Variants in PAM observed in about 807,000 individuals in gnomAD.
PAM encodes peptidylglycine alpha-amidating monooxygenase, also known as peptidyl-glycine alpha-amidating monooxygenase.
PAM carries 72 observed loss-of-function variants against 122.1 expected under a neutral mutation model. That is an observed-to-expected ratio of 0.59 (90% CI 0.49 to 0.72). PAM has a LOEUF of 0.72. Among genes scored for constraint, PAM ranks in the 30% least tolerant of loss-of-function variants. The pLI is 0.00. For synonymous variants in PAM, 389 were observed against 404.4 expected (o/e 0.96, Z 0.46); for missense variants, 1,106 against 1,183.7 (o/e 0.93, Z 0.96).
At chr5:102,809,007 A>G (rs1199979715) in intron 1 of PAM, among the ~76,000 whole-genome samples, 1 of 152,220 alleles carries the variant, frequency 6.6e-6, no homozygotes, top group Non-Finnish European at 1.5e-5. Context: ...GAACAGTGAT[A>G]CGTGAATATT....
At chr5:102,836,221 T>A (rs2150505335) in intron 1 of PAM, among the ~76,000 whole-genome samples, 1 of 152,304 alleles carries the variant, frequency 6.6e-6, no homozygotes, top group Admixed American at 6.5e-5. Context: ...TTGAAAAATC[T>A]ACTTATTTGA....
At chr5:102,986,640 A>G (rs1172312341) in intron 15 of PAM, among the ~76,000 whole-genome samples, 1 of 152,160 alleles carries the variant, frequency 6.6e-6, no homozygotes, top group African/African-American at 2.4e-5. Context: ...TATTGTTAAA[A>G]TGACAATACT....
intron 14 of PAM, among the ~76,000 whole-genome samples, chr5:102,973,122 A>G (rs1026430785): frequency 6.6e-6 from 1 of 152,224 alleles, no homozygotes; most frequent in East Asian, 1.9e-4. Flanking sequence ...ACAGGACTCC[A>G]TAGTCGTAAG....
intron 1 of PAM, among the ~76,000 whole-genome samples, chr5:102,801,185 A>G (rs1356507950): frequency 6.6e-6 from 1 of 152,158 alleles, no homozygotes; most frequent in East Asian, 1.9e-4. Context: ...ACCATGTGAT[A>G]CTGAAGCTGA....
rs748953962 is a variant in PAM at position 103,006,986 on chromosome 5, A to C, written c.1989A>C (p.Gly663=). 13 of 1,613,532 alleles carry C rather than the reference A, an allele frequency of 8.1e-6. No homozygotes were observed. Among genetic ancestry groups the C allele is most frequent in the Non-Finnish European group, 1.1e-5 (13 of 1,179,618 alleles). The change falls in exon 19 of 26, where the codon GGA becomes GGC. Residue 663 remains glycine, a synonymous_variant. Coordinates refer to ENST00000438793, the MANE Select transcript of PAM (RefSeq NM_001177306.2). Reference sequence around the variant, plus strand: ...GGATTGTGCAGTTTTCACCAAGTGGAAAGTTCATCACACAGTGGGGAGAAG... The same window carrying C: ...GGATTGTGCAGTTTTCACCAAGTGGCAAGTTCATCACACAGTGGGGAGAAG... ...NSRIVQFSPS[G]KFITQWGEES...
At chr5:103,003,413 T>C (rs1042456697) in intron 17 of PAM, among the ~76,000 whole-genome samples, 8 of 152,192 alleles carry the variant, frequency 5.3e-5, no homozygotes, top group African/African-American at 1.9e-4. Flanking sequence ...TCTGTTCAGG[T>C]CCTTGCCTAT....
chr5:102,902,157 G>T (rs1323328976), intron 4 of PAM, among the ~76,000 whole-genome samples: 2 of 151,600 alleles, frequency 1.3e-5, no homozygotes, highest in African/African-American at 2.4e-5. Context: ...GTTGATTTTG[G>T]AGAGAAAGTG....
intron 23 of PAM, 58 bp downstream of exon 23, chr5:103,019,901 T>C (rs1783073695): frequency 2.0e-6 from 2 of 1,009,208 alleles, no homozygotes; most frequent in South Asian, 1.3e-5. Flanking sequence ...TGAATTCTTT[T>C]ATGGCCCTTG....
intron 1 of PAM, among the ~76,000 whole-genome samples, chr5:102,793,490 A>G (rs1762579225): frequency 6.6e-6 from 1 of 152,192 alleles, no homozygotes; most frequent in Non-Finnish European, 1.5e-5. Context: ...TGATCGCACC[A>G]CTGCTCTCCA....
chr5:102,933,009 G>A (rs761805200), intron 7 of PAM, among the ~76,000 whole-genome samples: 1 of 152,164 alleles, frequency 6.6e-6, no homozygotes, highest in Non-Finnish European at 1.5e-5. Context: ...GAAAAGATGA[G>A]TAAGAACAAA....
chr5:102,772,226 T>A (rs1755990669), intron 1 of PAM, among the ~76,000 whole-genome samples: 1 of 152,172 alleles, frequency 6.6e-6, no homozygotes, highest in African/African-American at 2.4e-5. Context: ...TTAATAAATG[T>A]TGGATATCAT....
intron 1 of PAM, chr5:102,808,185 C>A (rs1033450626): frequency 7.9e-5 from 12 of 152,210 alleles, no homozygotes; most frequent in Admixed American, 7.2e-4. Context: ...CCCTCTCTCT[C>A]GTTGCTCGCT....
At chr5:102,878,309 C>T (rs1434995305) in intron 3 of PAM, among the ~76,000 whole-genome samples, 1 of 152,116 alleles carries the variant, frequency 6.6e-6, no homozygotes, top group Non-Finnish European at 1.5e-5. Flanking sequence ...GCTTTCATAA[C>T]TTCATCAGGA....
intron 1 of PAM, among the ~76,000 whole-genome samples, chr5:102,851,666 C>T (rs1247338082): frequency 6.6e-6 from 1 of 152,076 alleles, no homozygotes; most frequent in East Asian, 1.9e-4. Flanking sequence ...GGAAAATAGG[C>T]CATTTTAACA....
At chr5:102,860,023 C>T (rs549810239) in intron 1 of PAM, among the ~76,000 whole-genome samples, 2 of 152,234 alleles carry the variant, frequency 1.3e-5, no homozygotes, top group Admixed American at 1.3e-4. Context: ...TTTTTCAGGA[C>T]ATAACCCCAT....
chr5:102,905,377 C>T (rs1266210804), intron 4 of PAM, among the ~76,000 whole-genome samples: 1 of 151,580 alleles, frequency 6.6e-6, no homozygotes, highest in Non-Finnish European at 1.5e-5. Flanking sequence ...GAGATAGAAG[C>T]CATTGAATTT....
intron 1 of PAM, among the ~76,000 whole-genome samples, chr5:102,757,533 A>T (rs1750800477): frequency 6.6e-6 from 1 of 152,258 alleles, no homozygotes; most frequent in Non-Finnish European, 1.5e-5. Flanking sequence ...ATGATGTGCT[A>T]ATCAAATGTT....
intron 5 of PAM, among the ~76,000 whole-genome samples, chr5:102,916,714 A>G (rs1311957720): frequency 1.4e-5 from 2 of 146,730 alleles, no homozygotes; most frequent in Non-Finnish European, 3.0e-5. Flanking sequence ...TATGATATAT[A>G]TTATATATCA....
chr5:102,802,010 C>T (rs1011413132), intron 1 of PAM, among the ~76,000 whole-genome samples: 4 of 151,544 alleles, frequency 2.6e-5, no homozygotes, highest in African/African-American at 9.7e-5. Flanking sequence ...GATCTGATCT[C>T]CTGACCTCGT....
Sources: allele counts gnomAD v4.1 joint callset (sites outside exome capture counted in the v4.1 genomes callset), GRCh38; gene constraint gnomAD v4.1.1; transcripts MANE v1.5; gene names NCBI Gene and HGNC (gene_info 2026-07-23, HGNC 2026-07-21).